Variants in RBM47 observed in about 807,000 individuals in gnomAD.
RBM47 encodes RNA-binding protein 47.
Under a neutral mutation model 47.1 loss-of-function variants are expected in RBM47, and 21 were observed. That is an observed-to-expected ratio of 0.45 (90% CI 0.32 to 0.64). RBM47 has a LOEUF of 0.64. Ranked by LOEUF, RBM47 falls within the 30% of genes least tolerant of loss-of-function variation. The probability of loss-of-function intolerance (pLI) is 0.05; values close to 1 mark genes in which losing one functional copy is unlikely to be tolerated. For synonymous variants in RBM47, 375 were observed against 361.7 expected (o/e 1.04, Z -0.42); for missense variants, 708 against 870.9 (o/e 0.81, Z 2.35).
chr4:40,595,447 T>C (rs1356000896), intron 1 of RBM47, among the ~76,000 whole-genome samples: 2 of 151,720 alleles, frequency 1.3e-5, no homozygotes, highest in East Asian at 3.9e-4. Flanking sequence ...TGAGCCGAGA[T>C]TGCACCACTG....
At chr4:40,595,264 G>A (rs145155513) in intron 1 of RBM47, among the ~76,000 whole-genome samples, 6 of 152,150 alleles carry the variant, frequency 3.9e-5, no homozygotes, top group African/African-American at 1.4e-4. Context: ...GGGAGGCTGA[G>A]GCAGCAGATC....
At chr4:40,578,371 C>G (rs576756639) in intron 1 of RBM47, among the ~76,000 whole-genome samples, 65 of 152,158 alleles carry the variant, frequency 4.3e-4, no homozygotes, top group Non-Finnish European at 7.8e-4. Flanking sequence ...TGACTGGAAC[C>G]CTTTTCCTAT....
At chr4:40,596,955 A>C (rs1002919497) in intron 1 of RBM47, among the ~76,000 whole-genome samples, 4 of 152,232 alleles carry the variant, frequency 2.6e-5, no homozygotes, top group Non-Finnish European at 5.9e-5. Context: ...TTAAGTATTT[A>C]AGTATTTAAA....
chr4:40,597,530 C>T (rs1174659830), intron 1 of RBM47, among the ~76,000 whole-genome samples: 6 of 151,980 alleles, frequency 3.9e-5, no homozygotes, highest in Admixed American at 6.6e-5. Flanking sequence ...TGCAGTGAGG[C>T]GAGATCACGC....
chr4:40,609,285 T>A (rs1184694222), intron 1 of RBM47, among the ~76,000 whole-genome samples: 4 of 146,274 alleles, frequency 2.7e-5, no homozygotes, highest in African/African-American at 1.0e-4. Context: ...CCACCATGCC[T>A]GGCCTGCTAA....
Position 40,585,544 on chromosome 4 carries a change from CTA to C in RBM47, c.-239-41040_-239-41039del, listed in dbSNP as rs571194265. 9.7e-3 allele frequency among the ~76,000 whole-genome samples: 1,479 copies of C among 152,258 alleles called. 32 individuals carry two copies. The highest frequency in any genetic ancestry group is 0.034 in the African/African-American group (1,423 of 41,540). On this transcript the variant is annotated intron_variant, in intron 1 of 6. Transcript: ENST00000295971. ...ATTATAACTGCCTATTGTTATAGGCCTATTGCCTCATACTAGCAGCCTTGATT... is the reference window on the plus strand; with the variant it reads ...ATTATAACTGCCTATTGTTATAGGCCTTGCCTCATACTAGCAGCCTTGATT...
intron 2 of RBM47, among the ~76,000 whole-genome samples, chr4:40,494,207 G>A (rs1722271723): frequency 6.6e-6 from 1 of 152,120 alleles, no homozygotes; most frequent in African/African-American, 2.4e-5. Context: ...ATACACGGCA[G>A]AATGGCATGT....
In RBM47 at chr4:40,568,209, T is replaced by C. The variant is rs1042081049; in HGVS notation, c.-239-23703A>G. On this transcript the variant is annotated intron_variant, in intron 1 of 6. Transcript: ENST00000295971. ...GGGAGGCGAAGGCAGGACGATCAAT[T>C]GAGCTCAGAAGTTCGAGACCAGCCT... Among the ~76,000 whole-genome samples, 3 of 151,566 alleles carry C rather than the reference T, an allele frequency of 2.0e-5. 1 individual carries two copies. The highest frequency in any genetic ancestry group is 4.4e-5 in the Non-Finnish European group (3 of 67,772).
At chr4:40,452,151 C>T (rs938220058) in intron 3 of RBM47, among the ~76,000 whole-genome samples, 1 of 146,004 alleles carries the variant, frequency 6.8e-6, no homozygotes, top group African/African-American at 2.5e-5. Context: ...GCCTGGGCAA[C>T]AGAGCGAGAC....
intron 3 of RBM47, among the ~76,000 whole-genome samples, chr4:40,449,802 C>T (rs765438035): frequency 3.3e-5 from 5 of 152,148 alleles, no homozygotes; most frequent in Non-Finnish European, 5.9e-5. Context: ...CCTCAGCCTC[C>T]GGAGTAGTTA....
intron 1 of RBM47, among the ~76,000 whole-genome samples, chr4:40,602,539 T>C (rs1277863846): frequency 1.3e-5 from 2 of 151,016 alleles, no homozygotes; most frequent in Non-Finnish European, 3.0e-5. Flanking sequence ...TCCCAGCTAC[T>C]TGGGAGGCTG....
At chr4:40,613,008 G>C (rs139698451) in intron 1 of RBM47, among the ~76,000 whole-genome samples, 1 of 152,100 alleles carries the variant, frequency 6.6e-6, no homozygotes. Context: ...TTGACTAAAA[G>C]GTTTCTTCAA....
intron 1 of RBM47, among the ~76,000 whole-genome samples, chr4:40,580,576 C>A (rs1396820386): frequency 6.6e-6 from 1 of 152,160 alleles, no homozygotes. Flanking sequence ...TTCCCCAACC[C>A]ACCAACCGCC....
At chr4:40,523,056 C>T (rs190009783) in intron 2 of RBM47, among the ~76,000 whole-genome samples, 18 of 150,946 alleles carry the variant, frequency 1.2e-4, no homozygotes, top group Admixed American at 3.3e-4. Context: ...ACCTCTGCCT[C>T]CGGGGTTCAA....
At chr4:40,590,693 GAAT>G (rs1734056957) in intron 1 of RBM47, among the ~76,000 whole-genome samples, 1 of 152,224 alleles carries the variant, frequency 6.6e-6, no homozygotes, top group Non-Finnish European at 1.5e-5. Flanking sequence ...CATTACAACA[GAAT>G]ATTATTCAGT....
intron 1 of RBM47, among the ~76,000 whole-genome samples, chr4:40,570,963 C>A (rs889163973): frequency 5.3e-5 from 8 of 152,154 alleles, no homozygotes; most frequent in Non-Finnish European, 1.0e-4. Flanking sequence ...CGCCTGTATT[C>A]CCAGCACTTT....
intron 3 of RBM47, among the ~76,000 whole-genome samples, chr4:40,457,157 CG>C (rs1314279957): frequency 6.6e-6 from 1 of 151,344 alleles, no homozygotes; most frequent in Non-Finnish European, 1.5e-5. Context: ...TGGTGGCTCA[CG>C]CCTGTAATCC....
intron 2 of RBM47, among the ~76,000 whole-genome samples, chr4:40,494,913 A>G (rs570243803): frequency 1.3e-5 from 2 of 152,336 alleles, no homozygotes; most frequent in African/African-American, 2.4e-5. Flanking sequence ...AGGTAAATAT[A>G]TATGTATAAA....
chr4:40,481,272 CTTTCT>C (rs1720342566), intron 2 of RBM47, among the ~76,000 whole-genome samples: 1 of 136,088 alleles, frequency 7.3e-6, no homozygotes. Context: ...TATGTTGTTT[CTTTCT>C]TTTTTTTTTT....
Sources: allele counts gnomAD v4.1 joint callset (sites outside exome capture counted in the v4.1 genomes callset), GRCh38; gene constraint gnomAD v4.1.1; transcripts MANE v1.5; gene names NCBI Gene and HGNC (gene_info 2026-07-23, HGNC 2026-07-21).